The following MYO9B variants were observed in gnomAD, a reference collection of about 807,000 sequenced individuals.
MYO9B encodes the protein myosin IXB.
A neutral mutation model predicts 229.5 loss-of-function variants in MYO9B; 71 were observed. The ratio of observed to expected loss-of-function variants is 0.31; its 90% CI spans 0.26 to 0.38. The LOEUF is 0.38. Among genes scored for constraint, MYO9B ranks in the 10% least tolerant of loss-of-function variants. The pLI, the probability that MYO9B is intolerant of heterozygous loss-of-function variation, is 1.00. For synonymous variants in MYO9B, 1,185 were observed against 1,235.8 expected, an observed-to-expected ratio of 0.96 and a Z score of 0.86; for missense variants, 2,255 against 2,920.5, an observed-to-expected ratio of 0.77 and a Z score of 5.25.
chr19:17,194,403 G>C (rs1414405235), intron 21 of MYO9B, among the ~76,000 whole-genome samples, 153 bp from the exon 22 acceptor site: 1 of 152,154 alleles, frequency 6.6e-6, no homozygotes, highest in East Asian at 1.9e-4. Context: ...CCTGATCGAG[G>C]AGATTCCTGC....
chr19:17,182,142 C>T (rs894169883), intron 15 of MYO9B, among the ~76,000 whole-genome samples: 3 of 150,682 alleles, frequency 2.0e-5, no homozygotes, highest in Non-Finnish European at 2.9e-5. Flanking sequence ...AGCAGTGAAA[C>T]GATCACCGCT....
At chr19:17,141,858 G>A (rs1468518545) in intron 2 of MYO9B, among the ~76,000 whole-genome samples, 1 of 152,188 alleles carries the variant, frequency 6.6e-6, no homozygotes, top group African/African-American at 2.4e-5. Flanking sequence ...TCAGTACAGA[G>A]CAAAAAGATT....
intron 2 of MYO9B, among the ~76,000 whole-genome samples, chr19:17,127,504 A>G (rs530279525): frequency 3.4e-4 from 52 of 151,590 alleles, no homozygotes; most frequent in Non-Finnish European, 6.8e-4. Context: ...TTTCTTTTGT[A>G]TTTTGGTAGA....
At chr19:17,197,122 CA>C (rs1292416043) in intron 22 of MYO9B, among the ~76,000 whole-genome samples, 1 of 151,590 alleles carries the variant, frequency 6.6e-6, no homozygotes, top group Non-Finnish European at 1.5e-5. Context: ...CTAAAAATAC[CA>C]AAAATTAGCT....
intron 2 of MYO9B, among the ~76,000 whole-genome samples, chr19:17,132,142 A>G (rs1353695431): frequency 6.8e-6 from 1 of 147,802 alleles, no homozygotes; most frequent in East Asian, 2.0e-4. Context: ...TGCTGGGATT[A>G]CAGTTGTGAG....
rs1289708256 is a variant in MYO9B, at chr19:17,194,993, G to C, written c.3566G>C (p.Ser1189Thr). Reference sequence around the variant, plus strand: ...AGGGTCACCCAGGAGCAAGGGGTGAGTCTCCTGGAAGACAAAAAGGAGAGC... The same window carrying C: ...AGGGTCACCCAGGAGCAAGGGGTGACTCTCCTGGAAGACAAAAAGGAGAGC... ...SRRVTQEQGV[S>T]LLEDKKESRE... Residue 1189 changes from serine (S) to threonine (T), a missense_variant, in exon 22 of 40, where the codon AGT (serine) becomes ACT (threonine). Physicochemically the swap from Ser to Thr is moderately conservative, Grantham distance 58 (BLOSUM62 1). Transcript: ENST00000682292. 1 of 1,613,288 alleles carries C rather than the reference G, an allele frequency of 6.2e-7. No homozygotes were observed. Among genetic ancestry groups the C allele is most frequent in the Non-Finnish European group, 8.5e-7 (1 of 1,179,880 alleles).
chr19:17,121,143 A>G (rs1475333128), intron 2 of MYO9B, among the ~76,000 whole-genome samples: 3 of 152,100 alleles, frequency 2.0e-5, no homozygotes, highest in Admixed American at 6.6e-5. Flanking sequence ...GGGTTTTGCC[A>G]TGTTGTCCAG....
At chr19:17,121,322 A>C (rs1441984726) in intron 2 of MYO9B, among the ~76,000 whole-genome samples, 1 of 152,126 alleles carries the variant, frequency 6.6e-6, no homozygotes, top group Non-Finnish European at 1.5e-5. Flanking sequence ...CTGAAGGGAC[A>C]CAGCAGTGGT....
At chr19:17,198,372 T>A (rs939335686) in intron 24 of MYO9B, 64 bp downstream of exon 24, 1 of 1,598,862 alleles carries the variant, frequency 6.3e-7, no homozygotes, top group Non-Finnish European at 8.5e-7. Flanking sequence ...TGCCAGGGCC[T>A]CGCAGCAGTG....
intron 2 of MYO9B, among the ~76,000 whole-genome samples, chr19:17,121,201 C>T (rs1306254084): frequency 6.6e-6 from 1 of 152,140 alleles, no homozygotes; most frequent in Non-Finnish European, 1.5e-5. Context: ...TCTTGGCCTC[C>T]CAAAAGGCTG....
intron 14 of MYO9B, among the ~76,000 whole-genome samples, chr19:17,176,170 C>T (rs2072786840): frequency 6.6e-6 from 1 of 152,178 alleles, no homozygotes; most frequent in South Asian, 2.1e-4. Flanking sequence ...GCTGGGACTA[C>T]AGGCACCCGC....
intron 22 of MYO9B, among the ~76,000 whole-genome samples, chr19:17,197,272 C>T (rs555591395): frequency 1.6e-4 from 18 of 109,232 alleles, no homozygotes; most frequent in Admixed American, 3.1e-4. Flanking sequence ...AGCAAAACTC[C>T]GTCTAAAAAA....
At chr19:17,099,835 AG>A (rs1286794669) in intron 1 of MYO9B, among the ~76,000 whole-genome samples, 2 of 109,750 alleles carry the variant, frequency 1.8e-5, no homozygotes, top group Admixed American at 9.5e-5. Flanking sequence ...AAAAAAAAAA[AG>A]GCCGGGTGCG....
intron 2 of MYO9B, among the ~76,000 whole-genome samples, chr19:17,107,434 T>C (rs1424387172): frequency 1.3e-5 from 2 of 152,278 alleles, no homozygotes; most frequent in African/African-American, 2.4e-5. Flanking sequence ...TCAGGGTCCA[T>C]GTCCTCCCCA....
chr19:17,152,457 G>T (rs2072488816), intron 3 of MYO9B, 187 bp from the exon 4 acceptor site: 1 of 502,832 alleles, frequency 2.0e-6, no homozygotes, highest in Non-Finnish European at 3.6e-6. Flanking sequence ...CAACCACTGT[G>T]GGGGCCGAGG....
chr19:17,084,709 CAAAAAAAAA>C (rs903470342), intron 1 of MYO9B, among the ~76,000 whole-genome samples: 2 of 81,274 alleles, frequency 2.5e-5, no homozygotes, highest in South Asian at 3.5e-4. Context: ...ACTAAAAATA[CAAAAAAAAA>C]AAAAAAGAAA....
At position 17,202,236 on chromosome 19, in the gene MYO9B, A is replaced by G. The variant is rs375384916; in HGVS notation, c.4769A>G (p.Asn1590Ser). ...RGQKDTNLVL[N>S]LFQSLLDEFT... ...CAGAAGGACACCAACCTGGTCCTCA[A>G]CCTCTTCCAGTCACTGCTAGATGAG... The change falls in exon 28 of 40, where the codon AAC becomes AGC. Residue 1590 changes from asparagine to serine, a missense_variant. Physicochemically the swap from Asn to Ser is conservative, Grantham distance 46. This residue lies in a region of MYO9B where 416 missense variants were observed against 605.5 expected (regional missense o/e 0.69). Transcript: ENST00000682292. 3 of 1,607,962 alleles carry G rather than the reference A, an allele frequency of 1.9e-6. No homozygotes were observed. The highest frequency in any genetic ancestry group is 2.7e-5 in the African/African-American group (2 of 74,736).
intron 10 of MYO9B, among the ~76,000 whole-genome samples, chr19:17,164,599 C>G (rs1034392337): frequency 2.0e-5 from 3 of 152,132 alleles, no homozygotes; most frequent in Admixed American, 2.0e-4. Flanking sequence ...CCAGGCTGGT[C>G]TCAAACTCCT....
intron 1 of MYO9B, among the ~76,000 whole-genome samples, chr19:17,079,442 C>T (rs2057515026): frequency 6.6e-6 from 1 of 152,176 alleles, no homozygotes; most frequent in Non-Finnish European, 1.5e-5. Context: ...TCTGGAGGAA[C>T]TGTCCTCGTC....
Sources: allele counts gnomAD v4.1 joint callset (sites outside exome capture counted in the v4.1 genomes callset), GRCh38; gene constraint gnomAD v4.1.1; regional missense constraint gnomAD v4.1.1; transcripts MANE v1.5; gene names NCBI Gene and HGNC (gene_info 2026-07-23, HGNC 2026-07-21).